The following TRIQK variants were observed in gnomAD, a reference collection of about 807,000 sequenced individuals.
TRIQK encodes triple QxxK/R motif containing, also known as triple QxxK/R motif-containing protein.
TRIQK carries 10 observed loss-of-function variants against 10.8 expected under a neutral mutation model. The ratio of observed to expected loss-of-function variants is 0.92; its 90% CI spans 0.57 to 1.57. The LOEUF (loss-of-function observed/expected upper bound fraction) is 1.57. Among genes scored for constraint, TRIQK ranks in the 40% most tolerant of loss-of-function variants. The pLI, the probability that TRIQK is intolerant of heterozygous loss-of-function variation, is 0.00. For missense variants in TRIQK, 107 were observed against 97.7 expected, an observed-to-expected ratio of 1.09 and a Z score of -0.40; for synonymous variants, 33 against 33.7, an observed-to-expected ratio of 0.98 and a Z score of 0.07.
At chr8:92,992,886 C>CA (rs1813112062) in intron 1 of TRIQK, among the ~76,000 whole-genome samples, 1 of 152,156 alleles carries the variant, frequency 6.6e-6, no homozygotes, top group South Asian at 2.1e-4. Flanking sequence ...ACACCAATGA[C>CA]AAAATTCCAA....
chr8:93,017,111 GA>G (rs1777747758), intron 1 of TRIQK, among the ~76,000 whole-genome samples: 5 of 104 alleles, frequency 0.048, no homozygotes, highest in South Asian at 0.17. Context: ...TATATACTTG[GA>G]GAGAGAGAGA....
At chr8:92,930,048 T>TA (rs1250489640) in intron 2 of TRIQK, among the ~76,000 whole-genome samples, 2 of 151,292 alleles carry the variant, frequency 1.3e-5, no homozygotes, top group East Asian at 3.9e-4. Flanking sequence ...TACAGTATAA[T>TA]AAAAAATAAA....
intron 1 of TRIQK, among the ~76,000 whole-genome samples, chr8:93,000,847 A>G (rs73311480): frequency 0.22 from 33,116 of 147,960 alleles, 4,639 homozygotes; most frequent in African/African-American, 0.4. Flanking sequence ...AATTCAAAAC[A>G]TAGCACTACA....
chr8:93,009,891 A>G (rs1445626074), intron 1 of TRIQK, among the ~76,000 whole-genome samples: 1 of 152,160 alleles, frequency 6.6e-6, no homozygotes, highest in Non-Finnish European at 1.5e-5. Flanking sequence ...AGTGTCCAAC[A>G]CTTAGGTTGA....
intron 2 of TRIQK, among the ~76,000 whole-genome samples, chr8:92,935,234 G>A (rs1026481002): frequency 1.5e-4 from 22 of 151,540 alleles, no homozygotes; most frequent in Non-Finnish European, 3.1e-4. Flanking sequence ...ATGAAAATAC[G>A]AAAAATATAC....
chr8:92,948,806 T>C (rs1811682722), intron 2 of TRIQK, among the ~76,000 whole-genome samples: 1 of 152,258 alleles, frequency 6.6e-6, no homozygotes, highest in Admixed American at 6.5e-5. Context: ...TAAACTTAAT[T>C]GAAAATGCTT....
intron 1 of TRIQK, among the ~76,000 whole-genome samples, chr8:93,009,036 T>G (rs879577185): frequency 6.6e-6 from 1 of 152,176 alleles, no homozygotes; most frequent in Non-Finnish European, 1.5e-5. Context: ...AGAGACAATA[T>G]GGATAACAGA....
At chr8:92,886,782 G>A in intron 4 of TRIQK, 47 bp from the exon 5 acceptor site, 1 of 1,058,488 alleles carries the variant, frequency 9.4e-7, no homozygotes, top group Non-Finnish European at 1.4e-6. Context: ...AAAAAGATTG[G>A]TTAACATTAT....
intron 2 of TRIQK, among the ~76,000 whole-genome samples, chr8:92,946,779 G>C (rs1169313409): frequency 2.4e-5 from 3 of 123,204 alleles, no homozygotes; most frequent in Non-Finnish European, 5.0e-5. Context: ...TTTTTTTTCT[G>C]AGATGGAGTC....
At chr8:93,002,058 A>G (rs1009010315) in intron 1 of TRIQK, among the ~76,000 whole-genome samples, 8 of 152,194 alleles carry the variant, frequency 5.3e-5, no homozygotes, top group African/African-American at 1.9e-4. Flanking sequence ...AAAAAAATTT[A>G]AACTTTTTTT....
chr8:92,906,839 G>A (rs1407932304), intron 3 of TRIQK, among the ~76,000 whole-genome samples: 1 of 151,690 alleles, frequency 6.6e-6, no homozygotes, highest in African/African-American at 2.4e-5. Context: ...TTTGCAGTGA[G>A]CTGAGATAGC....
rs182620415 is a variant in TRIQK at position 92,883,630 on chromosome 8, T to C, written c.*2992A>G. ...CAGACTCTGAGAGGACTAAAAGGCA[T>C]CAACTTAAATTTTAACATGCATTTA... On this transcript the variant is annotated 3_prime_UTR_variant, in exon 5 of 5. Transcript: ENST00000521988. 6.6e-6 allele frequency: 1 copy of C among 151,846 alleles called. No individual in the cohort carries two copies. The highest frequency in any genetic ancestry group is 6.6e-5 in the Admixed American group (1 of 15,200). 9.4% of individuals were successfully genotyped at this position (151,846 alleles called of 1,614,324 possible).
chr8:92,918,435 T>C (rs1809983600), intron 2 of TRIQK, among the ~76,000 whole-genome samples: 1 of 152,082 alleles, frequency 6.6e-6, no homozygotes, highest in Non-Finnish European at 1.5e-5. Context: ...GATGAGATGA[T>C]ATCTCACTGT....
chr8:92,989,365 G>A (rs1024211877), intron 1 of TRIQK, among the ~76,000 whole-genome samples: 5 of 152,158 alleles, frequency 3.3e-5, no homozygotes, highest in African/African-American at 1.2e-4. Context: ...CTGCACAGCA[G>A]GAGGTGAGCA....
chr8:92,970,185 G>T (rs1191707537), upstream of TRIQK, among the ~76,000 whole-genome samples: 2 of 152,104 alleles, frequency 1.3e-5, no homozygotes, highest in Non-Finnish European at 2.9e-5. Context: ...TCTTTATCCA[G>T]TCTATCATTG....
intron 1 of TRIQK, among the ~76,000 whole-genome samples, chr8:93,010,093 G>A (rs1009784742): frequency 6.6e-6 from 1 of 152,114 alleles, no homozygotes; most frequent in Non-Finnish European, 1.5e-5. Flanking sequence ...TATAACAGTG[G>A]TTATCAGAGA....
At chr8:93,004,667 G>T (rs901296355) in intron 1 of TRIQK, among the ~76,000 whole-genome samples, 1 of 152,298 alleles carries the variant, frequency 6.6e-6, no homozygotes, top group Non-Finnish European at 1.5e-5. Context: ...ATGCAAATGA[G>T]TGTAGCCTTT....
intron 1 of TRIQK, among the ~76,000 whole-genome samples, chr8:93,009,827 C>G (rs1020597040): frequency 1.3e-5 from 2 of 152,066 alleles, no homozygotes; most frequent in Non-Finnish European, 1.5e-5. Flanking sequence ...GATATCTGTA[C>G]TCTCCTGTTT....
chr8:92,927,943 T>C (rs1810525056), intron 2 of TRIQK: 1 of 152,186 alleles, frequency 6.6e-6, no homozygotes, highest in South Asian at 2.1e-4. Flanking sequence ...TTCACAGGTA[T>C]GTGAACAATG....
Sources: allele counts gnomAD v4.1 joint callset (sites outside exome capture counted in the v4.1 genomes callset), GRCh38; gene constraint gnomAD v4.1.1; transcripts MANE v1.5; gene names NCBI Gene and HGNC (gene_info 2026-07-23, HGNC 2026-07-21).